MEIS2: variants seen among roughly 807,000 people sequenced by gnomAD.
The protein encoded by MEIS2 is Meis homeobox 2, also known as homeobox protein Meis2.
In MEIS2, 9 loss-of-function variants were observed where a neutral mutation model predicts 58.6. The ratio of observed to expected loss-of-function variants is 0.15; its 90% CI spans 0.09 to 0.27. The LOEUF (loss-of-function observed/expected upper bound fraction) is 0.27, where lower values mean the gene tolerates loss of function less well. MEIS2 is among the 10% of genes least tolerant of loss of function. The pLI is 1.00. For synonymous variants in MEIS2, 221 were observed against 228.4 expected (o/e 0.97, Z 0.29); for missense variants, 427 against 635.0 (o/e 0.67, Z 3.52).
intron 11 of MEIS2, among the ~76,000 whole-genome samples, 157 bp downstream of exon 11, chr15:36,894,994 G>GT (rs1398668857): frequency 3.8e-5 from 1 of 26,106 alleles, no homozygotes; most frequent in Non-Finnish European, 1.5e-4. Context: ...TTTCAAAGAG[G>GT]AATTTTTTCC....
chr15:37,080,488 A>G (rs1214711639), intron 7 of MEIS2, among the ~76,000 whole-genome samples: 2 of 152,114 alleles, frequency 1.3e-5, no homozygotes, highest in African/African-American at 4.8e-5. Flanking sequence ...AAGGCTCTCA[A>G]AGTGCTCTAG....
chr15:36,999,329 A>G (rs1311761946), intron 8 of MEIS2, among the ~76,000 whole-genome samples: 1 of 152,212 alleles, frequency 6.6e-6, no homozygotes, highest in Non-Finnish European at 1.5e-5. Flanking sequence ...GTCAGAGGTC[A>G]AGATAGGTCT....
chr15:36,991,476 T>G (rs1340792570), intron 8 of MEIS2, among the ~76,000 whole-genome samples: 1 of 152,180 alleles, frequency 6.6e-6, no homozygotes, highest in African/African-American at 2.4e-5. Flanking sequence ...GTGGGATATT[T>G]AAACAAATGA....
chr15:36,935,585 G>A (rs971045561), intron 9 of MEIS2, among the ~76,000 whole-genome samples: 2 of 152,066 alleles, frequency 1.3e-5, no homozygotes, highest in East Asian at 3.8e-4. Context: ...ATAAAGTTAC[G>A]TAGAAAAGAA....
chr15:36,976,995 G>T lies in MEIS2; in HGVS notation c.901-26595C>A, dbSNP rs988794965. Among the ~76,000 whole-genome samples, 16 of 152,174 alleles carry T rather than the reference G, an allele frequency of 1.1e-4. No homozygotes were observed. The East Asian group carries it at 2.5e-3, about 24-fold the overall frequency. On this transcript the variant is annotated intron_variant, in intron 8 of 11. Coordinates refer to ENST00000561208, the MANE Select transcript of MEIS2 (RefSeq NM_170675.5). ...AAAAAAATTAGCTGGGCATGGTGGC[G>T]CATGCCTCTAATCCCAGCTACTCAG...
chr15:37,026,958 T>C (rs1207666051), intron 8 of MEIS2, among the ~76,000 whole-genome samples: 1 of 152,194 alleles, frequency 6.6e-6, no homozygotes, highest in Non-Finnish European at 1.5e-5. Flanking sequence ...AGAATATGAA[T>C]AGCAAATGTA....
At chr15:37,071,036 C>T (rs1294607076) in intron 7 of MEIS2, among the ~76,000 whole-genome samples, 1 of 151,974 alleles carries the variant, frequency 6.6e-6, no homozygotes, top group East Asian at 1.9e-4. Context: ...TATGTCACTA[C>T]CCCCATTCAA....
At chr15:37,101,180 CT>C (rs1895072687), upstream of MEIS2, 1 of 152,168 alleles carries the variant, frequency 6.6e-6, no homozygotes, top group Admixed American at 6.5e-5. Context: ...ACCAGCTTAA[CT>C]CAGAGCACAC....
intron 9 of MEIS2, among the ~76,000 whole-genome samples, chr15:36,940,607 C>T (rs2058340662): frequency 2.6e-5 from 4 of 152,146 alleles, no homozygotes; most frequent in African/African-American, 7.2e-5. Flanking sequence ...TCTCTCAGAA[C>T]TACACATAAC....
intron 8 of MEIS2, among the ~76,000 whole-genome samples, chr15:36,982,103 A>G (rs551128138): frequency 6.6e-6 from 1 of 152,274 alleles, no homozygotes; most frequent in South Asian, 2.1e-4. Flanking sequence ...CTCAGCCTCC[A>G]TAACTGCACA....
chr15:36,952,074 C>T (rs1254374815), intron 8 of MEIS2, among the ~76,000 whole-genome samples: 1 of 152,160 alleles, frequency 6.6e-6, no homozygotes, highest in African/African-American at 2.4e-5. Context: ...CTCCTCCTAA[C>T]ACTCTGATTC....
intron 8 of MEIS2, among the ~76,000 whole-genome samples, chr15:37,032,027 A>G (rs4924118): frequency 0.23 from 34,298 of 151,882 alleles, 4,049 homozygotes; most frequent in Middle Eastern, 0.36. Context: ...TTTTGTAGAG[A>G]TGGGATCTCA....
chr15:36,901,521 C>A (rs771867151), intron 9 of MEIS2, among the ~76,000 whole-genome samples: 2 of 152,026 alleles, frequency 1.3e-5, no homozygotes, highest in South Asian at 4.2e-4. Flanking sequence ...TCACAGACAA[C>A]CGTGAGCAAA....
chr15:36,916,004 A>T (rs2057259015), intron 9 of MEIS2, among the ~76,000 whole-genome samples: 1 of 152,200 alleles, frequency 6.6e-6, no homozygotes, highest in Non-Finnish European at 1.5e-5. Context: ...AAAAAGTGAA[A>T]CATGTAGTGA....
chr15:36,953,295 C>T (rs1194767), intron 8 of MEIS2, among the ~76,000 whole-genome samples: 1 of 152,194 alleles, frequency 6.6e-6, no homozygotes, highest in Non-Finnish European at 1.5e-5. Context: ...AACAGACATC[C>T]TATTGAAATA....
chr15:37,082,005 ACCT>A (rs2141910998), intron 7 of MEIS2, among the ~76,000 whole-genome samples: 1 of 151,992 alleles, frequency 6.6e-6, no homozygotes, highest in South Asian at 2.1e-4. Context: ...TCTTTCTCCC[ACCT>A]CCTCTTCTCT....
At chr15:37,057,707 TTTGTC>T (rs1250056512) in intron 7 of MEIS2, among the ~76,000 whole-genome samples, 2 of 152,104 alleles carry the variant, frequency 1.3e-5, no homozygotes, top group Non-Finnish European at 2.9e-5. Flanking sequence ...ACTAGGCTTT[TTTGTC>T]TTTTTTCCCC....
At chr15:36,989,013 T>C (rs1236491901) in intron 8 of MEIS2, among the ~76,000 whole-genome samples, 1 of 152,178 alleles carries the variant, frequency 6.6e-6, no homozygotes, top group Non-Finnish European at 1.5e-5. Context: ...CCACCAGTGA[T>C]TACAAAGACA....
intron 8 of MEIS2, among the ~76,000 whole-genome samples, chr15:36,987,421 A>G (rs2060130708): frequency 6.6e-6 from 1 of 152,030 alleles, no homozygotes; most frequent in Non-Finnish European, 1.5e-5. Flanking sequence ...AAAAAAAAAA[A>G]AAAAAAAAAT....
Sources: gnomAD v4.1 joint callset for allele counts (sites outside exome capture counted in the v4.1 genomes callset) on GRCh38, gnomAD v4.1.1 for gene constraint, MANE v1.5 for transcripts, NCBI Gene and HGNC (gene_info 2026-07-23, HGNC 2026-07-21) for gene names.